ELFN1: variants seen among roughly 807,000 people sequenced by gnomAD.
ELFN1 encodes extracellular leucine rich repeat and fibronectin type III domain containing 1.
In ELFN1, 6 loss-of-function variants were observed where a neutral mutation model predicts 7.6. The ratio of observed to expected loss-of-function variants is 0.79; its 90% CI spans 0.43 to 1.56. The LOEUF (loss-of-function observed/expected upper bound fraction) is 1.56. ELFN1 is among the 40% of genes most tolerant of loss of function. The probability of loss-of-function intolerance (pLI) is 0.01; values close to 1 mark genes in which losing one functional copy is unlikely to be tolerated. For missense variants in ELFN1, 1,169 were observed against 1,232.2 expected (o/e 0.95, Z 0.77); for synonymous variants, 657 against 588.1 (o/e 1.12, Z -1.70).
intron 3 of ELFN1, among the ~76,000 whole-genome samples, chr7:1,718,795 A>C (rs1779913086): frequency 6.6e-6 from 1 of 152,254 alleles, no homozygotes; most frequent in South Asian, 2.1e-4. Flanking sequence ...CAGATTGTTC[A>C]GATTCCCTCT....
chr7:1,671,340 C>T (rs755098802), intron 1 of ELFN1, among the ~76,000 whole-genome samples: 13 of 152,186 alleles, frequency 8.5e-5, no homozygotes, highest in Admixed American at 2.0e-4. Context: ...CAGAAAGGGT[C>T]GAGGCCGGCC....
Position 1,673,489 on chromosome 7 carries a change from CT to C in ELFN1, c.-549+3136del. ...ACTCGAGCCCAGCACCGTGCCCCCC[CT>C]CCCCGCCCCCTGCCCCGGATGTCCC... On this transcript the variant is annotated intron_variant, in intron 1 of 3. Transcript: ENST00000424383. This position sits in a 1 kb window ranked among gnomAD's most constrained non-coding sequence, Gnocchi z 4.7. Among the ~76,000 whole-genome samples the C allele has an allele frequency of 6.6e-6, 1 of 152,296 alleles. No homozygotes were observed. Among genetic ancestry groups the C allele is most frequent in the East Asian group, 1.9e-4 (1 of 5,172 alleles).
At chr7:1,674,525 C>T (rs1778829947) in intron 1 of ELFN1, among the ~76,000 whole-genome samples, 1 of 152,124 alleles carries the variant, frequency 6.6e-6, no homozygotes, top group Non-Finnish European at 1.5e-5. Context: ...TTTAGATAAC[C>T]CCACAGGAAG....
chr7:1,721,539 C>G (rs1401377827), intron 3 of ELFN1, among the ~76,000 whole-genome samples: 1 of 152,240 alleles, frequency 6.6e-6, no homozygotes, highest in East Asian at 1.9e-4. Flanking sequence ...GGAAGAAGAA[C>G]AGCTGGGGCC....
chr7:1,703,201 G>C (rs1779463431), intron 2 of ELFN1, among the ~76,000 whole-genome samples: 1 of 152,098 alleles, frequency 6.6e-6, no homozygotes, highest in Non-Finnish European at 1.5e-5. Context: ...TCTGTTTTGT[G>C]TTTGTTCCTT....
chr7:1,668,980 C>G (rs1297309854), upstream of ELFN1, among the ~76,000 whole-genome samples: 2 of 152,242 alleles, frequency 1.3e-5, no homozygotes, highest in Non-Finnish European at 2.9e-5. Flanking sequence ...GGGAGCCCCA[C>G]CCAGCCAGCC....
chr7:1,692,547 AGAGG>A (rs1242265072), intron 2 of ELFN1: 2 of 152,564 alleles, frequency 1.3e-5, no homozygotes, highest in African/African-American at 4.8e-5. Flanking sequence ...GCTGATCAGC[AGAGG>A]CAGGCAACAC....
At chr7:1,738,020 G>A (rs1780497688) in intron 3 of ELFN1, among the ~76,000 whole-genome samples, 1 of 152,224 alleles carries the variant, frequency 6.6e-6, no homozygotes, top group Non-Finnish European at 1.5e-5. Flanking sequence ...GGGACAGGCA[G>A]ATGCCCCCAG....
In ELFN1 at chr7:1,705,926, T is replaced by A. The variant is rs1031774693; in HGVS notation, c.-455-3165T>A. ...CCCCAGCCTGCGGTTCCAGACGAGA[T>A]TGAACTGTGAGCCTTCACCCTGACA... On this transcript the variant is annotated intron_variant, in intron 2 of 3. Coordinates refer to ENST00000424383, the MANE Select transcript of ELFN1 (RefSeq NM_001128636.4). The surrounding 1 kb of genome is among the most constrained non-coding windows in gnomAD (Gnocchi z 4.3). Among the ~76,000 whole-genome samples the A allele has an allele frequency of 1.3e-5, 2 of 152,208 alleles. No individual in the cohort carries two copies. Among genetic ancestry groups the A allele is most frequent in the African/African-American group, 2.4e-5 (1 of 41,468 alleles).
chr7:1,714,090 C>T (rs76944180), intron 3 of ELFN1, among the ~76,000 whole-genome samples: 3,870 of 152,280 alleles, frequency 0.025, 193 homozygotes, highest in East Asian at 0.22. Context: ...GAACCTGGGA[C>T]GTTGAGTTAG....
rs1196057245 is a variant in ELFN1 at position 1,746,441 on chromosome 7, G to A, written c.1845G>A (p.Gly615=). 6.5e-7 allele frequency: 1 copy of A among 1,530,220 alleles called. No individual in the cohort carries two copies. Among genetic ancestry groups the A allele is most frequent in the African/African-American group, 1.4e-5 (1 of 72,828 alleles). The allele number at this position is 1,530,220 out of a possible 1,614,324, so 94.8% of individuals were successfully genotyped here. Reference sequence around the variant, plus strand: ...CCAAGCACGGCTTCCTGGCGCCCGGGTACAAGGACGCCTTCGGCCACAGCC... The same window carrying A: ...CCAAGCACGGCTTCCTGGCGCCCGGATACAAGGACGCCTTCGGCCACAGCC... ...LAAKHGFLAP[G]YKDAFGHSLQ... The change falls in exon 4 of 4, where the codon GGG becomes GGA. Residue 615 remains glycine, a synonymous_variant. Coordinates refer to ENST00000424383, the MANE Select transcript of ELFN1 (RefSeq NM_001128636.4).
chr7:1,734,996 G>A (rs1051736380), intron 3 of ELFN1, among the ~76,000 whole-genome samples: 9 of 152,120 alleles, frequency 5.9e-5, no homozygotes, highest in South Asian at 2.1e-4. Flanking sequence ...CGCCCGCTCC[G>A]GGAATCTGCA....
intron 3 of ELFN1, among the ~76,000 whole-genome samples, chr7:1,737,868 T>C (rs1210583625): frequency 2.0e-5 from 3 of 152,178 alleles, no homozygotes; most frequent in African/African-American, 7.2e-5. Context: ...CCCCGTTCTC[T>C]GTTCTCCCGG....
At position 1,739,799 on chromosome 7, in the gene ELFN1, C is replaced by T. The variant is rs546832056; in HGVS notation, c.-293-4505C>T. Among the ~76,000 whole-genome samples the T allele has an allele frequency of 2.6e-5, 4 of 152,020 alleles. No homozygotes were observed. The East Asian group carries it at 7.8e-4, about 30-fold the overall frequency. The stretch of plus-strand genomic sequence containing the variant: ...AGGTCACCGGTGGCCTTGGTGAGAG[C>T]GGCTCAGAGGGCCCGAGGGGGGACG... On this transcript the variant is annotated intron_variant, in intron 3 of 3. Transcript: ENST00000424383. This position sits in a 1 kb window ranked among gnomAD's most constrained non-coding sequence, Gnocchi z 4.6.
intron 1 of ELFN1, among the ~76,000 whole-genome samples, chr7:1,672,034 CA>C (rs1778777704): frequency 6.6e-6 from 1 of 152,228 alleles, no homozygotes; most frequent in Non-Finnish European, 1.5e-5. Context: ...CCCTGTCCTA[CA>C]GCCAGCTGTG....
intron 2 of ELFN1, chr7:1,694,151 C>G (rs1412710087): frequency 2.1e-5 from 5 of 242,554 alleles, no homozygotes; most frequent in Non-Finnish European, 4.2e-5. Context: ...CCGGCAGACC[C>G]AGGCCCCTCA....
intron 1 of ELFN1, among the ~76,000 whole-genome samples, chr7:1,677,664 C>T (rs1778896975): frequency 6.6e-6 from 1 of 152,188 alleles, no homozygotes; most frequent in Non-Finnish European, 1.5e-5. Flanking sequence ...CCCCTTTCCC[C>T]TCTTGGACAC....
Position 1,747,093 on chromosome 7 carries a change from G to A in ELFN1, c.*10G>A, listed in dbSNP as rs1273189825. On this transcript the variant is annotated 3_prime_UTR_variant, in exon 4 of 4. Coordinates refer to ENST00000424383, the MANE Select transcript of ELFN1 (RefSeq NM_001128636.4). ...CCAGCACAAGTCCTGAGCCCCCCAA[G>A]ACCGGCGATGCCCACTGGACCAAAA... The A allele has an allele frequency of 1.4e-6, 2 of 1,465,420 alleles. No homozygotes were observed. Among genetic ancestry groups the A allele is most frequent in the Admixed American group, 4.9e-5 (2 of 41,230 alleles). The allele number at this position is 1,465,420 out of a possible 1,614,324, so 90.8% of individuals were successfully genotyped here.
At chr7:1,674,880 A>G (rs1411872733) in intron 1 of ELFN1, among the ~76,000 whole-genome samples, 1 of 152,082 alleles carries the variant, frequency 6.6e-6, no homozygotes, top group Non-Finnish European at 1.5e-5. Flanking sequence ...CCCAGCCATC[A>G]CCAGGTCCAC....
Sources: allele counts gnomAD v4.1 joint callset (sites outside exome capture counted in the v4.1 genomes callset), GRCh38; gene constraint gnomAD v4.1.1; non-coding constraint Gnocchi (gnomAD v3.1); transcripts MANE v1.5; gene names NCBI Gene and HGNC (gene_info 2026-07-23, HGNC 2026-07-21).